Variants in PRRC1 observed in about 807,000 individuals in gnomAD.
The protein encoded by PRRC1 is proline rich coiled-coil 1, also known as protein PRRC1.
In PRRC1, 39 loss-of-function variants were observed where a neutral mutation model predicts 40.7. That is an observed-to-expected ratio of 0.96 (90% confidence interval 0.74 to 1.25). The LOEUF (loss-of-function observed/expected upper bound fraction) is 1.25, where lower values mean the gene tolerates loss of function less well. Among genes scored for constraint, PRRC1 ranks in the 50% most tolerant of loss-of-function variants. The pLI is 0.00. For synonymous variants in PRRC1, 175 were observed against 193.3 expected, an observed-to-expected ratio of 0.91 and a Z score of 0.79; for missense variants, 573 against 548.3, an observed-to-expected ratio of 1.05 and a Z score of -0.45.
chr5:127,536,266 C>T (rs17839686), intron 6 of PRRC1, among the ~76,000 whole-genome samples: 2,401 of 149,668 alleles, frequency 0.016, 19 homozygotes, highest in Non-Finnish European at 0.023. Flanking sequence ...AGGTAACTGA[C>T]GGCTGTAGGG....
At chr5:127,529,697 C>T (rs233033) in intron 4 of PRRC1, among the ~76,000 whole-genome samples, 48,310 of 151,718 alleles carry the variant, frequency 0.32, 7,948 homozygotes, top group East Asian at 0.55. Flanking sequence ...TTAGTAGTAA[C>T]GGCTCTAAGA....
intron 6 of PRRC1, 73 bp downstream of exon 6, chr5:127,533,859 G>T (rs765423216): frequency 1.3e-6 from 2 of 1,498,550 alleles, no homozygotes; most frequent in Non-Finnish European, 1.9e-6. Context: ...ATAATCTGTT[G>T]TCTCTATGGA....
At chr5:127,524,441 A>C in intron 2 of PRRC1, 90 bp from the exon 3 acceptor site, 1 of 1,331,010 alleles carries the variant, frequency 7.5e-7, no homozygotes, top group Non-Finnish European at 1.0e-6. Flanking sequence ...TAAGTTAAAA[A>C]TTTTGCAAGA....
In PRRC1 at chr5:127,533,795, C is replaced by A. The variant is rs1486816221; in HGVS notation, c.921+9C>A. On this transcript the variant is annotated intron_variant, in intron 6 of 8. Transcript: ENST00000296666. ...ATGCAGCTGGATTAAAAGTGAGTAACAGAACACCATTTTCAGGACATGGAA... is the reference window on the plus strand; with the variant it reads ...ATGCAGCTGGATTAAAAGTGAGTAAAAGAACACCATTTTCAGGACATGGAA... The A allele has an allele frequency of 6.2e-7, 1 of 1,613,550 alleles. No homozygotes were observed. Among genetic ancestry groups the A allele is most frequent in the Non-Finnish European group, 8.5e-7 (1 of 1,179,650 alleles).
In PRRC1 at chr5:127,533,729, G is replaced by A. The variant is rs1212982018; in HGVS notation, c.864G>A (p.Gly288=). 3 of 1,613,972 alleles carry A rather than the reference G, an allele frequency of 1.9e-6. No individual in the cohort carries two copies. The African/African-American group carries it at 4.0e-5, about 22-fold the overall frequency. The change falls in exon 6 of 9, where the codon GGG becomes GGA. Residue 288 remains glycine (G), a synonymous_variant. Transcript: ENST00000296666. ...TCTTTGGCTTAGCTGTGGTTGTAGG[G>A]GAAGCTGGACAGTCCAATATTGCCC... ...QEVFGLAVVV[G]EAGQSNIAPQ...
Position 127,524,894 on chromosome 5 carries a change from CA to C in PRRC1, c.468del (p.Ser157HisfsTer21). The C allele has an allele frequency of 6.2e-7, 1 of 1,606,406 alleles. No individual in the cohort carries two copies. The highest frequency in any genetic ancestry group is 8.5e-7 in the Non-Finnish European group (1 of 1,175,136). On this transcript the variant is annotated frameshift_variant, in exon 3 of 9. Coordinates refer to ENST00000296666, the MANE Select transcript of PRRC1 (RefSeq NM_130809.5). LOFTEE classifies it high-confidence loss of function. ...AGAGCTCCCCAGACACCCCTGATGCCATCATTTTCTGCACCTTCAGGAACAG... is the reference window on the plus strand; with the variant it reads ...AGAGCTCCCCAGACACCCCTGATGCCTCATTTTCTGCACCTTCAGGAACAG... ...AGRAPQTPLMPSFSAPSGTGL... is the reference protein window; with the variant it reads ...AGRAPQTPLMXSFSAPSGTGL...
At chr5:127,526,387 C>T (rs948317009) in intron 3 of PRRC1, among the ~76,000 whole-genome samples, 5 of 152,098 alleles carry the variant, frequency 3.3e-5, no homozygotes, top group Non-Finnish European at 7.4e-5. Context: ...TTTGGATATA[C>T]GCTTTTTGTC....
chr5:127,544,834 G>A (rs1183338733), intron 7 of PRRC1, among the ~76,000 whole-genome samples: 2 of 152,164 alleles, frequency 1.3e-5, no homozygotes, highest in East Asian at 1.9e-4. Context: ...TGCGCTTCCC[G>A]AGTGAGGCAA....
chr5:127,524,636 C>T lies in PRRC1; in HGVS notation c.209C>T (p.Ala70Val), dbSNP rs987107947. Residue 70 changes from alanine (A) to valine (V), a missense_variant, in exon 3 of 9, where the codon GCA becomes GTA. By Grantham distance (64) the Ala-to-Val change is moderately conservative. Coordinates refer to ENST00000296666, the MANE Select transcript of PRRC1 (RefSeq NM_130809.5). Reference protein sequence around the residue: ...QPPLPPVRPSAPLPFVPPPAV... With the variant: ...QPPLPPVRPSVPLPFVPPPAV... The stretch of plus-strand genomic sequence containing the variant: ...CCCCTTCCTCCTGTGAGGCCTTCAG[C>T]ACCATTACCTTTTGTGCCTCCTCCT... 1 of 1,614,166 alleles carries T rather than the reference C, an allele frequency of 6.2e-7. No individual in the cohort carries two copies. The highest frequency in any genetic ancestry group is 8.5e-7 in the Non-Finnish European group (1 of 1,180,030).
rs548776756 is a variant in PRRC1 at position 127,534,663 on chromosome 5, C to T, written c.921+877C>T. Among the ~76,000 whole-genome samples the T allele has an allele frequency of 1.1e-4, 17 of 152,260 alleles. No individual in the cohort carries two copies. In the South Asian group the frequency reaches 1.2e-3, roughly 11 times the overall value. On this transcript the variant is annotated intron_variant, in intron 6 of 8. Coordinates refer to ENST00000296666, the MANE Select transcript of PRRC1 (RefSeq NM_130809.5). ...CCTCCTCTTCTCTCCAGTCTTCTGA[C>T]GGTCACCTTCTCATCAATTCACTCT...
chr5:127,518,863 C>T (rs1767386070), intron 1 of PRRC1, among the ~76,000 whole-genome samples: 1 of 151,998 alleles, frequency 6.6e-6, no homozygotes, highest in Non-Finnish European at 1.5e-5. Context: ...ATGAATAGTA[C>T]TTTTCGTGAC....
chr5:127,523,505 C>G lies in PRRC1; in HGVS notation c.26C>G (p.Thr9Arg). Residue 9 changes from threonine (T) to arginine (R), a missense_variant, in exon 2 of 9, where the codon ACA (threonine) becomes AGA (arginine). Physicochemically the swap from Thr to Arg is moderately conservative, Grantham distance 71. Transcript: ENST00000296666. The part of the protein sequence containing the change: MMEESGIE[T>R]TPPGTPPPNP... ...ATGATGGAAGAGAGTGGAATAGAGA[C>G]AACACCACCTGGGACTCCTCCACCA... 5 of 1,611,382 alleles carry G rather than the reference C, an allele frequency of 3.1e-6. No individual in the cohort carries two copies. The highest frequency in any genetic ancestry group is 4.2e-6 in the Non-Finnish European group (5 of 1,179,152).
intron 8 of PRRC1, chr5:127,549,352 A>T (rs1768312236): frequency 6.6e-6 from 1 of 152,214 alleles, no homozygotes; most frequent in South Asian, 2.1e-4. Flanking sequence ...TAAAATTAAT[A>T]AATAAAATTC....
At chr5:127,530,116 T>C (rs923427003) in intron 4 of PRRC1, among the ~76,000 whole-genome samples, 178 bp from the exon 5 acceptor site, 11 of 152,050 alleles carry the variant, frequency 7.2e-5, no homozygotes, top group African/African-American at 1.2e-4. Flanking sequence ...GGAAAAAAAA[T>C]TGAGAGTATC....
At chr5:127,533,497 T>C in intron 5 of PRRC1, 126 bp from the exon 6 acceptor site, 2 of 853,370 alleles carry the variant, frequency 2.3e-6, no homozygotes, top group South Asian at 1.9e-5. Flanking sequence ...TAATGATCTA[T>C]ATCTTGCATG....
At chr5:127,530,991 T>A (rs2127098442) in intron 5 of PRRC1, among the ~76,000 whole-genome samples, 1 of 152,320 alleles carries the variant, frequency 6.6e-6, no homozygotes, top group Non-Finnish European at 1.5e-5. Flanking sequence ...TCACAAGGCT[T>A]AGTGACCAAT....
Position 127,551,862 on chromosome 5 carries a change from A to G in PRRC1, c.1284A>G (p.Ala428=). The change falls in exon 9 of 9, where the codon GCA becomes GCG. Residue 428 remains alanine (A), a synonymous_variant. Coordinates refer to ENST00000296666, the MANE Select transcript of PRRC1 (RefSeq NM_130809.5). ...CCCGTCGGCAGATGATCTACAGTGC[A>G]GCCAGAGCGATAGCGGGCATGTATA... The part of the protein sequence containing the change: ...GMSRRQMIYS[A]ARAIAGMYKQ... 6.2e-7 allele frequency: 1 copy of G among 1,614,096 alleles called. No homozygotes were observed. Among genetic ancestry groups the G allele is most frequent in the Non-Finnish European group, 8.5e-7 (1 of 1,179,990 alleles).
In PRRC1 at chr5:127,530,329, T is replaced by G. The variant is rs1269415302; in HGVS notation, c.690T>G (p.Leu230=). Residue 230 remains leucine (L), a synonymous_variant, in exon 5 of 9, where the codon CTT becomes CTG. Transcript: ENST00000296666. ...GGAATCCTATGGTGAAGTCTGTGCT[T>G]GATAAGACAAAACATTCAGTAGAAA... ...VAGNPMVKSV[L]DKTKHSVESM... The G allele has an allele frequency of 3.1e-6, 5 of 1,613,940 alleles. No homozygotes were observed. Among genetic ancestry groups the G allele is most frequent in the Non-Finnish European group, 4.2e-6 (5 of 1,179,918 alleles).
chr5:127,535,600 G>T (rs2127103007), intron 6 of PRRC1, among the ~76,000 whole-genome samples: 1 of 152,136 alleles, frequency 6.6e-6, no homozygotes, highest in East Asian at 1.9e-4. Flanking sequence ...AAACTAATAG[G>T]ATCGATCAAC....
Sources: gnomAD v4.1 joint callset for allele counts (sites outside exome capture counted in the v4.1 genomes callset) on GRCh38, gnomAD v4.1.1 for gene constraint, MANE v1.5 for transcripts, NCBI Gene and HGNC (gene_info 2026-07-23, HGNC 2026-07-21) for gene names.